The following LAMA2 variants were observed in gnomAD, a reference collection of about 807,000 sequenced individuals.
LAMA2 encodes the protein laminin subunit alpha-2.
In LAMA2, 269 loss-of-function variants were observed where a neutral mutation model predicts 364.8. That is an observed-to-expected ratio of 0.74 (90% CI 0.67 to 0.82). The LOEUF (loss-of-function observed/expected upper bound fraction) is 0.82. Among genes scored for constraint, LAMA2 ranks in the 40% least tolerant of loss-of-function variants. The pLI is 0.00. For missense variants in LAMA2, 3,807 were observed against 3,873.2 expected, an observed-to-expected ratio of 0.98 and a Z score of 0.45; for synonymous variants, 1,379 against 1,370.6, an observed-to-expected ratio of 1.01 and a Z score of -0.14.
chr6:129,026,580 A>T (rs950380576), intron 1 of LAMA2, among the ~76,000 whole-genome samples: 1 of 152,172 alleles, frequency 6.6e-6, no homozygotes, highest in Admixed American at 6.6e-5. Context: ...GATGTTAAGG[A>T]TTCTATTTCC....
intron 1 of LAMA2, among the ~76,000 whole-genome samples, chr6:128,899,602 A>G (rs1423334411): frequency 6.6e-6 from 1 of 152,116 alleles, no homozygotes; most frequent in Non-Finnish European, 1.5e-5. Flanking sequence ...TTTTATGTGT[A>G]CTTTTTCCCC....
chr6:128,930,403 C>T (rs71568932), intron 1 of LAMA2, among the ~76,000 whole-genome samples: 334 of 152,192 alleles, frequency 2.2e-3, no homozygotes, highest in Non-Finnish European at 3.9e-3. Flanking sequence ...GCATAGACAC[C>T]GTCAATGAAA....
At chr6:129,086,593 A>ATGAAAG (rs1774398860) in intron 3 of LAMA2, among the ~76,000 whole-genome samples, 1 of 152,260 alleles carries the variant, frequency 6.6e-6, no homozygotes, top group Non-Finnish European at 1.5e-5. Context: ...ACTCATAGGC[A>ATGAAAG]TGAAAGGTAT....
chr6:129,357,052 T>C (rs1777189596), intron 32 of LAMA2, among the ~76,000 whole-genome samples: 1 of 152,086 alleles, frequency 6.6e-6, no homozygotes, highest in Non-Finnish European at 1.5e-5. Context: ...AAATTAAGAT[T>C]TCTTCTTGAT....
At chr6:128,956,797 G>A (rs1260317019) in intron 1 of LAMA2, among the ~76,000 whole-genome samples, 1 of 150,432 alleles carries the variant, frequency 6.6e-6, no homozygotes, top group Non-Finnish European at 1.5e-5. Context: ...GTTTCAAGAG[G>A]TCACGAAGAA....
At chr6:129,507,376 C>A in intron 61 of LAMA2, 113 bp from the exon 62 acceptor site, 1 of 1,151,844 alleles carries the variant, frequency 8.7e-7, no homozygotes, top group Non-Finnish European at 1.3e-6. Context: ...ATATCCCATC[C>A]TAAGACAACT....
intron 3 of LAMA2, among the ~76,000 whole-genome samples, chr6:129,079,903 A>G (rs1750273842): frequency 6.6e-6 from 1 of 152,174 alleles, no homozygotes; most frequent in African/African-American, 2.4e-5. Context: ...TGAGAAAATT[A>G]TTATCTTTAT....
intron 9 of LAMA2, among the ~76,000 whole-genome samples, chr6:129,168,416 C>T (rs371276000): frequency 3.9e-5 from 6 of 151,956 alleles, no homozygotes; most frequent in East Asian, 1.9e-4. Context: ...ATTTATTAAA[C>T]AGGGAATCCT....
chr6:129,049,841 C>A, intron 1 of LAMA2, 77 bp from the exon 2 acceptor site: 2 of 1,307,394 alleles, frequency 1.5e-6, no homozygotes, highest in Admixed American at 1.7e-5. Context: ...AATATTTTAT[C>A]TCAATTGCTT....
chr6:129,321,313 G>T (rs1386330035), intron 28 of LAMA2, among the ~76,000 whole-genome samples: 1 of 152,202 alleles, frequency 6.6e-6, no homozygotes, highest in Non-Finnish European at 1.5e-5. Context: ...GAATAGATGA[G>T]AAACTGGCCT....
chr6:129,159,201 C>T, intron 8 of LAMA2: 1 of 1,199,910 alleles, frequency 8.3e-7, no homozygotes, highest in Non-Finnish European at 1.2e-6. Flanking sequence ...GACTGTCATT[C>T]AGTGAGATTT....
intron 4 of LAMA2, among the ~76,000 whole-genome samples, chr6:129,129,936 A>T (rs543152098): frequency 0.038 from 5,667 of 150,942 alleles, 396 homozygotes; most frequent in African/African-American, 0.13. Flanking sequence ...AAAAAAAAAA[A>T]AAAAAAATAA....
rs748267303 is a variant in LAMA2, at chr6:129,349,364, T to C, written c.4503T>C (p.Tyr1501=). ...DYRCTACPRG[Y]EGQYCERCAP... is the part of the protein sequence containing the mutation. ...GCTGCACGGCTTGTCCACGGGGATA[T>C]GAAGGCCAGTACTGTGAAAGGTACC... The change falls in exon 31 of 65, where the codon TAT becomes TAC. Residue 1501 remains tyrosine, a synonymous_variant. Coordinates refer to ENST00000421865, the MANE Select transcript of LAMA2 (RefSeq NM_000426.4). The C allele has an allele frequency of 6.2e-7, 1 of 1,613,396 alleles. No individual in the cohort carries two copies. The highest frequency in any genetic ancestry group is 8.5e-7 in the Non-Finnish European group (1 of 1,179,472).
chr6:129,419,164 T>G (rs1471296534), intron 40 of LAMA2, among the ~76,000 whole-genome samples: 1 of 152,106 alleles, frequency 6.6e-6, no homozygotes, highest in Non-Finnish European at 1.5e-5. Context: ...TATTTAAAAG[T>G]TCAGGGCATA....
chr6:128,976,173 G>T (rs1782518732), intron 1 of LAMA2, among the ~76,000 whole-genome samples: 1 of 152,200 alleles, frequency 6.6e-6, no homozygotes, highest in Non-Finnish European at 1.5e-5. Flanking sequence ...CTCAGCAGGT[G>T]TTGGTAGCAT....
At chr6:129,181,836 TCA>T (rs1780947030) in intron 10 of LAMA2, among the ~76,000 whole-genome samples, 1 of 151,770 alleles carries the variant, frequency 6.6e-6, no homozygotes, top group Non-Finnish European at 1.5e-5. Flanking sequence ...TTATAAATCC[TCA>T]GTTTGAGGAT....
At position 128,937,182 on chromosome 6, in the gene LAMA2, G is replaced by A. The variant is rs569159469; in HGVS notation, c.112+53825G>A. On this transcript the variant is annotated intron_variant, in intron 1 of 64. Transcript: ENST00000421865. ...ATATCACATTTATCGACTCATGTATGTTGAATTATCCATTTATTCCAAGGA... is the reference window on the plus strand; with the variant it reads ...ATATCACATTTATCGACTCATGTATATTGAATTATCCATTTATTCCAAGGA... Among the ~76,000 whole-genome samples the A allele has an allele frequency of 5.3e-5, 8 of 152,308 alleles. No homozygotes were observed. In the South Asian group the frequency reaches 1.7e-3, roughly 32 times the overall value.
At position 129,403,804 on chromosome 6, in the gene LAMA2, T is replaced by A; in HGVS notation, c.5727-17T>A. The A allele has an allele frequency of 6.2e-7, 1 of 1,611,740 alleles. No homozygotes were observed. On this transcript the variant is annotated splice_polypyrimidine_tract_variant and intron_variant, in intron 39 of 64. Coordinates refer to ENST00000421865, the MANE Select transcript of LAMA2 (RefSeq NM_000426.4). ...CATTGAGTGCCCTGACATTCCTTTT[T>A]TGAATCATCCCACCAGAATCCTTGA...
At chr6:128,966,106 C>T (rs913792137) in intron 1 of LAMA2, among the ~76,000 whole-genome samples, 5 of 146,500 alleles carry the variant, frequency 3.4e-5, no homozygotes, top group African/African-American at 7.7e-5. Context: ...GTTTTGAATA[C>T]ATTTTTAATA....
Sources: gnomAD v4.1 joint callset for allele counts (sites outside exome capture counted in the v4.1 genomes callset) on GRCh38, gnomAD v4.1.1 for gene constraint, MANE v1.5 for transcripts, NCBI Gene and HGNC (gene_info 2026-07-23, HGNC 2026-07-21) for gene names.